MAPK10: variants seen among roughly 807,000 people sequenced by gnomAD.
MAPK10 encodes mitogen-activated protein kinase 10, also known as JNK3 alpha protein kinase.
A neutral mutation model predicts 59.3 loss-of-function variants in MAPK10; 25 were observed. That is an observed-to-expected ratio of 0.42 (90% CI 0.31 to 0.59). The LOEUF (loss-of-function observed/expected upper bound fraction) is 0.59. Ranked by LOEUF, MAPK10 falls within the 20% of genes least tolerant of loss-of-function variation. The pLI is 0.15. For synonymous variants in MAPK10, 190 were observed against 200.5 expected, an observed-to-expected ratio of 0.95 and a Z score of 0.44; for missense variants, 351 against 568.9, an observed-to-expected ratio of 0.62 and a Z score of 3.90.
At chr4:86,306,899 G>A (rs1442113997) in intron 2 of MAPK10, among the ~76,000 whole-genome samples, 2 of 152,140 alleles carry the variant, frequency 1.3e-5, no homozygotes, top group East Asian at 3.9e-4. Context: ...AGTCTTTGTG[G>A]AGGGAAATAT....
At chr4:86,404,796 T>C (rs973052781) in intron 1 of MAPK10, among the ~76,000 whole-genome samples, 4 of 152,220 alleles carry the variant, frequency 2.6e-5, no homozygotes, top group African/African-American at 9.6e-5. Context: ...TTTCGAATTC[T>C]ATCTTAGTAG....
At chr4:86,141,141 G>A (rs983266471) in intron 4 of MAPK10, among the ~76,000 whole-genome samples, 5 of 152,158 alleles carry the variant, frequency 3.3e-5, no homozygotes, top group Admixed American at 2.0e-4. Context: ...AAAAGGCCTT[G>A]TACCATGTTC....
At chr4:86,143,231 A>G (rs2064042320) in intron 4 of MAPK10, among the ~76,000 whole-genome samples, 1 of 152,192 alleles carries the variant, frequency 6.6e-6, no homozygotes, top group African/African-American at 2.4e-5. Context: ...AAATGTCCCC[A>G]TGATCCAATG....
chr4:86,423,969 T>C (rs981628388), intron 1 of MAPK10, among the ~76,000 whole-genome samples: 35 of 151,830 alleles, frequency 2.3e-4, no homozygotes, highest in African/African-American at 8.2e-4. Context: ...CAAAAACCAA[T>C]TAGGAGATTA....
chr4:86,558,658 C>G (rs1352367632), intron 1 of MAPK10, among the ~76,000 whole-genome samples: 1 of 152,088 alleles, frequency 6.6e-6, no homozygotes, highest in East Asian at 1.9e-4. Flanking sequence ...AGTTGAATTA[C>G]TTTTTCACTC....
At position 86,035,343 on chromosome 4, in the gene MAPK10, C is replaced by T. The variant is rs375090674; in HGVS notation, c.1111-3912G>A. ...CCCAGATTGTGCCACTGCACTCCAG[C>T]CTGGGTGATAGAGTGAGACTCTGTC... On this transcript the variant is annotated intron_variant, in intron 11 of 13. Transcript: ENST00000641462. Among the ~76,000 whole-genome samples the T allele has an allele frequency of 9.1e-5, 12 of 131,696 alleles. No homozygotes were observed. The East Asian group carries it at 1.6e-3, about 17-fold the overall frequency. The allele number at this position is 131,696 out of a possible 152,430, so 86.4% of individuals were successfully genotyped here. A position where few individuals can be genotyped will look rare whatever the true frequency, so the allele number is the denominator to read the frequency against.
intron 2 of MAPK10, among the ~76,000 whole-genome samples, chr4:86,273,923 C>A (rs1234725404): frequency 6.7e-6 from 1 of 149,452 alleles, no homozygotes; most frequent in Non-Finnish European, 1.5e-5. Context: ...TGATTTTTAT[C>A]AAAATGTGAT....
chr4:86,177,273 A>G (rs2075901468), intron 3 of MAPK10, among the ~76,000 whole-genome samples: 1 of 151,964 alleles, frequency 6.6e-6, no homozygotes, highest in South Asian at 2.1e-4. Flanking sequence ...AAACCATACA[A>G]ACCATATCAT....
At chr4:86,562,218 A>G (rs548893149) in intron 1 of MAPK10, among the ~76,000 whole-genome samples, 114 of 152,268 alleles carry the variant, frequency 7.5e-4, no homozygotes, top group Admixed American at 3.6e-3. Flanking sequence ...GGTGGAGGCT[A>G]CAGTGAGCTG....
chr4:86,524,052 G>A (rs1757300644), intron 1 of MAPK10, among the ~76,000 whole-genome samples: 1 of 152,014 alleles, frequency 6.6e-6, no homozygotes, highest in Non-Finnish European at 1.5e-5. Context: ...GTTAAAAAGA[G>A]CCTGCCGCTT....
intron 1 of MAPK10, among the ~76,000 whole-genome samples, chr4:86,470,135 T>A (rs555896538): frequency 6.6e-6 from 1 of 152,232 alleles, no homozygotes; most frequent in South Asian, 2.1e-4. Flanking sequence ...AAAGGGGGTA[T>A]AATTATATTT....
chr4:86,432,388 C>T (rs1421229034), intron 1 of MAPK10, among the ~76,000 whole-genome samples: 2 of 152,134 alleles, frequency 1.3e-5, no homozygotes, highest in South Asian at 2.1e-4. Context: ...GATTCTGGTG[C>T]CTCAGCCTTC....
intron 1 of MAPK10, among the ~76,000 whole-genome samples, chr4:86,452,592 T>C (rs1750845820): frequency 6.6e-6 from 1 of 152,094 alleles, no homozygotes. Context: ...TTAAAAATAA[T>C]TAGGAAAATT....
At chr4:86,058,040 G>A (rs1468649341) in intron 11 of MAPK10, among the ~76,000 whole-genome samples, 2 of 149,850 alleles carry the variant, frequency 1.3e-5, no homozygotes, top group African/African-American at 2.5e-5. Context: ...ACATTCAGTG[G>A]AAACCCCAAT....
At chr4:86,437,386 C>G (rs1265384228) in intron 1 of MAPK10, among the ~76,000 whole-genome samples, 1 of 151,742 alleles carries the variant, frequency 6.6e-6, no homozygotes, top group African/African-American at 2.4e-5. Context: ...AATGATTTTT[C>G]TCTTGTATTC....
At chr4:86,173,118 T>C (rs1430908813) in intron 3 of MAPK10, among the ~76,000 whole-genome samples, 1 of 151,508 alleles carries the variant, frequency 6.6e-6, no homozygotes, top group African/African-American at 2.4e-5. Flanking sequence ...AAAAAAAAAC[T>C]AGTTTAAAAT....
intron 1 of MAPK10, among the ~76,000 whole-genome samples, chr4:86,424,075 A>G (rs1294499728): frequency 2.0e-5 from 3 of 152,164 alleles, no homozygotes; most frequent in Non-Finnish European, 4.4e-5. Flanking sequence ...GTTTTAGTCC[A>G]TGGGCTATTA....
chr4:86,473,090 C>T (rs1243855172), intron 1 of MAPK10, among the ~76,000 whole-genome samples: 1 of 152,128 alleles, frequency 6.6e-6, no homozygotes, highest in Admixed American at 6.5e-5. Flanking sequence ...GAAAATATTA[C>T]CTGTTATTTT....
intron 1 of MAPK10, among the ~76,000 whole-genome samples, chr4:86,423,760 GATATATATACATATATATAT>G (rs1487387864): frequency 3.4e-5 from 4 of 117,146 alleles, no homozygotes; most frequent in African/African-American, 7.0e-5. Context: ...TAATTAGTGG[GATATATATACATATATATAT>G]ATATATATAT....
Sources: allele counts gnomAD v4.1 joint callset (sites outside exome capture counted in the v4.1 genomes callset), GRCh38; gene constraint gnomAD v4.1.1; transcripts MANE v1.5; gene names NCBI Gene and HGNC (gene_info 2026-07-23, HGNC 2026-07-21).